GULP1: variants seen among roughly 807,000 people sequenced by gnomAD.
The protein encoded by GULP1 is GULP PTB domain containing engulfment adaptor 1.
GULP1 carries 19 observed loss-of-function variants against 40.9 expected under a neutral mutation model. That is an observed-to-expected ratio of 0.46 (90% CI 0.32 to 0.68). The LOEUF (loss-of-function observed/expected upper bound fraction) is 0.68. Ranked by LOEUF, GULP1 falls within the 30% of genes least tolerant of loss-of-function variation. The probability of loss-of-function intolerance (pLI) is 0.03; values close to 1 mark genes in which losing one functional copy is unlikely to be tolerated. For missense variants in GULP1, 312 were observed against 362.2 expected (o/e 0.86, Z 1.12); for synonymous variants, 119 against 117.6 (o/e 1.01, Z -0.08).
At position 188,574,145 on chromosome 2, in the gene GULP1, T is replaced by C. The variant is rs535927096; in HGVS notation, c.609+4025T>C. 3.9e-5 allele frequency among the ~76,000 whole-genome samples: 6 copies of C among 152,280 alleles called. No homozygotes were observed. In the South Asian group the frequency reaches 1.0e-3, roughly 26 times the overall value. On this transcript the variant is annotated intron_variant, in intron 9 of 11. Transcript: ENST00000409830. Reference sequence around the variant, plus strand: ...TAAAAGACATATTTAATCTTAGCTTTAGTATAGTCTCTTTGGGGAAAGGGA... The same window carrying C: ...TAAAAGACATATTTAATCTTAGCTTCAGTATAGTCTCTTTGGGGAAAGGGA...
chr2:188,529,145 G>T lies in GULP1; in HGVS notation c.211G>T (p.Glu71Ter). Residue 71 changes from glutamate to a stop codon, truncating the protein, a stop_gained, in exon 6 of 12, where the codon GAG (glutamate) becomes TAG (stop). Coordinates refer to ENST00000409830, the MANE Select transcript of GULP1 (RefSeq NM_016315.4). LOFTEE classifies it high-confidence loss of function. The stretch of plus-strand genomic sequence containing the variant: ...TGAAGGCCAGAAAATTCCTAAAGTG[G>T]AGTTGCAAATATCAATTTATGGAGT... ...KSEGQKIPKV[E>*]LQISIYGVKI... 1 of 1,589,732 alleles carries T rather than the reference G, an allele frequency of 6.3e-7. No individual in the cohort carries two copies. The highest frequency in any genetic ancestry group is 1.1e-5 in the South Asian group (1 of 87,352).
intron 1 of GULP1, among the ~76,000 whole-genome samples, chr2:188,304,544 A>G (rs1186031442): frequency 6.6e-6 from 1 of 152,192 alleles, no homozygotes; most frequent in Non-Finnish European, 1.5e-5. Flanking sequence ...CGTCTCAACC[A>G]CCATACTAGC....
At chr2:188,508,675 T>G (rs1413364925) in intron 4 of GULP1, among the ~76,000 whole-genome samples, 9 of 151,952 alleles carry the variant, frequency 5.9e-5, no homozygotes, top group Non-Finnish European at 1.0e-4. Flanking sequence ...CCTTTCAGCC[T>G]ACTAACAGAA....
intron 2 of GULP1, among the ~76,000 whole-genome samples, chr2:188,474,897 T>C (rs750219703): frequency 1.7e-4 from 26 of 152,178 alleles, no homozygotes; most frequent in Non-Finnish European, 3.7e-4. Flanking sequence ...AGTTTCTCTA[T>C]AAAGAAGGAT....
intron 4 of GULP1, among the ~76,000 whole-genome samples, chr2:188,491,029 C>G (rs1225658280): frequency 6.6e-6 from 1 of 151,998 alleles, no homozygotes; most frequent in Non-Finnish European, 1.5e-5. Context: ...AACTCCTGAG[C>G]TCAAGCGATC....
intron 2 of GULP1, among the ~76,000 whole-genome samples, chr2:188,440,561 C>T (rs754211846): frequency 1.1e-4 from 17 of 152,054 alleles, no homozygotes; most frequent in Non-Finnish European, 5.9e-5. Flanking sequence ...TTTTCACTAG[C>T]CATTTCATGT....
At chr2:188,299,288 G>A (rs1439624524) in intron 1 of GULP1, among the ~76,000 whole-genome samples, 1 of 150,056 alleles carries the variant, frequency 6.7e-6, no homozygotes, top group African/African-American at 2.4e-5. Context: ...GGAGGGGGTT[G>A]TTTACTAAAG....
At chr2:188,412,614 T>A (rs2054050698) in intron 2 of GULP1, among the ~76,000 whole-genome samples, 1 of 152,166 alleles carries the variant, frequency 6.6e-6, no homozygotes, top group Non-Finnish European at 1.5e-5. Flanking sequence ...TCACAAACCC[T>A]TTACGATACT....
chr2:188,439,007 G>T (rs56110119), intron 2 of GULP1, among the ~76,000 whole-genome samples: 22,424 of 151,944 alleles, frequency 0.15, 2,136 homozygotes, highest in South Asian at 0.26. Flanking sequence ...TGAATTGTTT[G>T]TTAAATTAGG....
intron 7 of GULP1, 69 bp from the exon 8 acceptor site, chr2:188,569,170 T>C (rs1224456677): frequency 1.2e-6 from 1 of 826,148 alleles, no homozygotes. Flanking sequence ...TATATGAATG[T>C]TGTTTTCTCG....
chr2:188,513,254 A>T (rs1304912839), intron 4 of GULP1, among the ~76,000 whole-genome samples: 2 of 152,174 alleles, frequency 1.3e-5, no homozygotes, highest in Non-Finnish European at 2.9e-5. Flanking sequence ...GACTAATAAT[A>T]CACAAAACAT....
At chr2:188,315,425 T>G (rs1227489877) in intron 1 of GULP1, among the ~76,000 whole-genome samples, 3 of 152,172 alleles carry the variant, frequency 2.0e-5, no homozygotes, top group Middle Eastern at 3.2e-3. Context: ...ATGTATCCCC[T>G]GCAGATGAGG....
chr2:188,449,174 T>C (rs188569791), intron 2 of GULP1, among the ~76,000 whole-genome samples: 1 of 152,302 alleles, frequency 6.6e-6, no homozygotes, highest in African/African-American at 2.4e-5. Context: ...TTAAATTTGG[T>C]ATTTGTCTTT....
intron 2 of GULP1, among the ~76,000 whole-genome samples, chr2:188,476,459 G>A (rs548102883): frequency 2.0e-5 from 3 of 152,176 alleles, no homozygotes; most frequent in African/African-American, 4.8e-5. Context: ...ACCAAACTGG[G>A]CTCTTACACC....
chr2:188,357,205 A>G (rs2045449912), intron 1 of GULP1, among the ~76,000 whole-genome samples: 1 of 152,194 alleles, frequency 6.6e-6, no homozygotes, highest in South Asian at 2.1e-4. Context: ...AAATAGACAA[A>G]TGGGATTATA....
chr2:188,566,356 C>T (rs1697652463), intron 7 of GULP1, among the ~76,000 whole-genome samples: 1 of 151,988 alleles, frequency 6.6e-6, no homozygotes, highest in Non-Finnish European at 1.5e-5. Flanking sequence ...ATTTACTAGA[C>T]AGCTAAGTGC....
chr2:188,566,971 A>G (rs1313523619), intron 7 of GULP1, among the ~76,000 whole-genome samples: 2 of 152,046 alleles, frequency 1.3e-5, no homozygotes, highest in African/African-American at 2.4e-5. Flanking sequence ...CGGGCAAAGG[A>G]TATGAAGAGA....
intron 4 of GULP1, among the ~76,000 whole-genome samples, chr2:188,492,823 GAA>G (rs1015668292): frequency 4.6e-5 from 7 of 151,984 alleles, no homozygotes; most frequent in African/African-American, 1.7e-4. Context: ...AGATGATTAT[GAA>G]AGTCATTAAG....
chr2:188,386,708 T>G (rs2049807022), intron 2 of GULP1, among the ~76,000 whole-genome samples: 1 of 152,166 alleles, frequency 6.6e-6, no homozygotes, highest in African/African-American at 2.4e-5. Flanking sequence ...TTGTTATTGC[T>G]GAGTTTACCG....
Sources: gnomAD v4.1 joint callset for allele counts (sites outside exome capture counted in the v4.1 genomes callset) on GRCh38, gnomAD v4.1.1 for gene constraint, MANE v1.5 for transcripts, NCBI Gene and HGNC (gene_info 2026-07-23, HGNC 2026-07-21) for gene names.